The following CUL5 variants were observed in gnomAD, a reference collection of about 807,000 sequenced individuals.
CUL5 encodes the protein cullin 5.
CUL5 carries 26 observed loss-of-function variants against 108.8 expected under a neutral mutation model. The ratio of observed to expected loss-of-function variants is 0.24; its 90% CI spans 0.18 to 0.33. The LOEUF is 0.33. CUL5 is among the 10% of genes least tolerant of loss of function. The pLI is 1.00. For missense variants in CUL5, 524 were observed against 909.2 expected (o/e 0.58, Z 5.45); for synonymous variants, 334 against 298.0 (o/e 1.12, Z -1.25).
At chr11:108,063,637 TAATAA>T (rs1288021315) in intron 7 of CUL5, among the ~76,000 whole-genome samples, 2 of 28,732 alleles carry the variant, frequency 7.0e-5, no homozygotes, top group East Asian at 4.0e-3. Flanking sequence ...ATTTAATAAA[TAATAA>T]AATTAATAAA....
intron 15 of CUL5, 100 bp from the exon 16 acceptor site, chr11:108,095,430 T>C: frequency 1.2e-6 from 1 of 811,232 alleles, no homozygotes; most frequent in Non-Finnish European, 1.9e-6. Flanking sequence ...GAGTGGATAC[T>C]GGAAGACAGC....
chr11:108,095,081 C>G (rs1864456544), intron 15 of CUL5, 94 bp downstream of exon 15: 1 of 1,066,928 alleles, frequency 9.4e-7, no homozygotes, highest in East Asian at 2.5e-5. Context: ...ATTTTTGCCT[C>G]TCTCACATGT....
intron 13 of CUL5, among the ~76,000 whole-genome samples, chr11:108,091,480 C>G (rs761392143): frequency 4.6e-5 from 7 of 151,886 alleles, no homozygotes; most frequent in Non-Finnish European, 1.0e-4. Flanking sequence ...GGCTTGTGCT[C>G]AGAGTTTGAG....
intron 13 of CUL5, among the ~76,000 whole-genome samples, chr11:108,093,115 A>G (rs976312469): frequency 6.6e-6 from 1 of 152,172 alleles, no homozygotes; most frequent in African/African-American, 2.4e-5. Flanking sequence ...GCCAAATTGT[A>G]TACTTTAAAA....
chr11:108,089,413 T>G, intron 12 of CUL5, 79 bp from the exon 13 acceptor site: 1 of 1,054,544 alleles, frequency 9.5e-7, no homozygotes, highest in Non-Finnish European at 1.4e-6. Flanking sequence ...CTTGTGACAA[T>G]TGGTGGATAT....
At position 108,097,597 on chromosome 11, in the gene CUL5, G is replaced by GT. The variant is rs756742016; in HGVS notation, c.1906-36dup. ...AGAATTGATCTTAGTATTCCATACT[G>GT]TTTATAGATGCTAATTGTTTTCTCC... On this transcript the variant is annotated intron_variant, in intron 16 of 18. Coordinates refer to ENST00000393094, the MANE Select transcript of CUL5 (RefSeq NM_003478.6). 18 of 1,174,496 alleles carry GT rather than the reference G, an allele frequency of 1.5e-5. No homozygotes were observed. In the East Asian group the frequency reaches 4.0e-4, roughly 26 times the overall value. The allele number at this position is 1,174,496 out of a possible 1,614,324, so 72.8% of individuals were successfully genotyped here.
intron 10 of CUL5, chr11:108,073,724 TCTC>T: frequency 3.6e-6 from 1 of 275,090 alleles, no homozygotes; most frequent in Non-Finnish European, 6.8e-6. Context: ...GTTGCTTTTT[TCTC>T]ATTTTTCCAA....
At chr11:108,054,430 G>A (rs1278977753) in intron 5 of CUL5, among the ~76,000 whole-genome samples, 3 of 152,142 alleles carry the variant, frequency 2.0e-5, no homozygotes, top group South Asian at 4.1e-4. Flanking sequence ...TGCAAAAATA[G>A]TCTATATTAT....
intron 11 of CUL5, among the ~76,000 whole-genome samples, chr11:108,081,057 C>T (rs918936093): frequency 2.6e-4 from 39 of 152,036 alleles, no homozygotes; most frequent in Middle Eastern, 3.4e-3. Context: ...GAGGCCAAAG[C>T]GGGTGGATCA....
chr11:108,029,699 A>G (rs920357914), intron 1 of CUL5, among the ~76,000 whole-genome samples: 2 of 151,302 alleles, frequency 1.3e-5, no homozygotes, highest in African/African-American at 2.5e-5. Flanking sequence ...ATAGAAAACA[A>G]TTAATTATTA....
In CUL5 at chr11:108,089,761, C is replaced by T. The variant is rs762646057; in HGVS notation, c.1443+138C>T. ...TATAAGAATATAGCGTCAGTTAGGCCGGGCGCACTGGCTCATACCTGTAAT... is the reference window on the plus strand; with the variant it reads ...TATAAGAATATAGCGTCAGTTAGGCTGGGCGCACTGGCTCATACCTGTAAT... On this transcript the variant is annotated intron_variant, in intron 13 of 18. Coordinates refer to ENST00000393094, the MANE Select transcript of CUL5 (RefSeq NM_003478.6). 26 of 499,604 alleles carry T rather than the reference C, an allele frequency of 5.2e-5. No individual in the cohort carries two copies. The Admixed American group carries it at 7.0e-4, about 14-fold the overall frequency. The allele number at this position is 499,604 out of a possible 1,614,324, so 30.9% of individuals were successfully genotyped here.
At chr11:108,085,397 T>C (rs569466096) in intron 11 of CUL5, among the ~76,000 whole-genome samples, 225 of 151,384 alleles carry the variant, frequency 1.5e-3, no homozygotes, top group African/African-American at 5.1e-3. Context: ...AGACAAAAAG[T>C]AGAATAAAAG....
chr11:108,070,831 A>G (rs1277067135), intron 8 of CUL5, among the ~76,000 whole-genome samples: 1 of 152,172 alleles, frequency 6.6e-6, no homozygotes, highest in African/African-American at 2.4e-5. Flanking sequence ...TTTAATCTCT[A>G]GTTGCATTTA....
chr11:108,044,068 G>A lies in CUL5; in HGVS notation c.135-2202G>A, dbSNP rs1011907942. The stretch of plus-strand genomic sequence containing the variant: ...TATCTGGCACATGATAAGCAGTCAG[G>A]TGTTACCTTTTATATTGTTATTTAA... On this transcript the variant is annotated intron_variant, in intron 2 of 18. Coordinates refer to ENST00000393094, the MANE Select transcript of CUL5 (RefSeq NM_003478.6). Among the ~76,000 whole-genome samples the A allele has an allele frequency of 3.9e-5, 6 of 152,046 alleles. No individual in the cohort carries two copies. In the East Asian group the frequency reaches 1.2e-3, roughly 29 times the overall value.
At chr11:108,095,236 G>T (rs935538635) in intron 15 of CUL5, among the ~76,000 whole-genome samples, 1 of 152,134 alleles carries the variant, frequency 6.6e-6, no homozygotes, top group Non-Finnish European at 1.5e-5. Context: ...GCAACAGAAA[G>T]CAAAAGGTGA....
At chr11:108,023,352 G>A (rs1231429935) in intron 1 of CUL5, among the ~76,000 whole-genome samples, 1 of 152,122 alleles carries the variant, frequency 6.6e-6, no homozygotes, top group East Asian at 1.9e-4. Flanking sequence ...TTTTAATACA[G>A]TGCAATTTAT....
At chr11:108,091,209 G>T (rs182859523) in intron 13 of CUL5, among the ~76,000 whole-genome samples, 1 of 151,860 alleles carries the variant, frequency 6.6e-6, no homozygotes, top group South Asian at 2.1e-4. Flanking sequence ...GTGCCATGAC[G>T]CCTGGCTAAT....
intron 1 of CUL5, among the ~76,000 whole-genome samples, chr11:108,015,003 A>G (rs1417345963): frequency 6.6e-6 from 1 of 152,140 alleles, no homozygotes; most frequent in African/African-American, 2.4e-5. Flanking sequence ...GGTTCAAGCA[A>G]TTCTCCTTCC....
intron 8 of CUL5, 58 bp from the exon 9 acceptor site, chr11:108,072,274 C>A: frequency 7.3e-7 from 1 of 1,371,322 alleles, no homozygotes; most frequent in Non-Finnish European, 1.0e-6. Flanking sequence ...ACTAATGTTT[C>A]TCTAAACTCT....
Sources: allele counts gnomAD v4.1 joint callset (sites outside exome capture counted in the v4.1 genomes callset), GRCh38; gene constraint gnomAD v4.1.1; transcripts MANE v1.5; gene names NCBI Gene and HGNC (gene_info 2026-07-23, HGNC 2026-07-21).